Variants in ADAMTSL1 observed in about 807,000 individuals in gnomAD.
The protein encoded by ADAMTSL1 is ADAMTS like 1.
ADAMTSL1 carries 126 observed loss-of-function variants against 201.8 expected under a neutral mutation model. The observed-to-expected ratio is 0.62, with a 90% CI of 0.54 to 0.72. The LOEUF (loss-of-function observed/expected upper bound fraction) is 0.72. ADAMTSL1 is among the 30% of genes least tolerant of loss of function. The pLI is 0.00. For synonymous variants in ADAMTSL1, 1,121 were observed against 903.4 expected, an observed-to-expected ratio of 1.24 and a Z score of -4.32; for missense variants, 2,679 against 2,277.8, an observed-to-expected ratio of 1.18 and a Z score of -3.59.
At chr9:18,118,913 C>T (rs538644815) in intron 1 of ADAMTSL1, among the ~76,000 whole-genome samples, 2 of 152,170 alleles carry the variant, frequency 1.3e-5, no homozygotes, top group Non-Finnish European at 2.9e-5. Flanking sequence ...TTAACCAGTC[C>T]CTTGACTTTT....
intron 2 of ADAMTSL1, among the ~76,000 whole-genome samples, chr9:18,278,949 G>A (rs535463053): frequency 6.6e-6 from 1 of 151,934 alleles, no homozygotes; most frequent in South Asian, 2.1e-4. Flanking sequence ...CAAGTCTGCT[G>A]TTAAAGCTCT....
intron 3 of ADAMTSL1, among the ~76,000 whole-genome samples, chr9:18,533,573 A>G (rs1450633894): frequency 6.6e-6 from 1 of 152,176 alleles, no homozygotes; most frequent in Non-Finnish European, 1.5e-5. Context: ...TCTCATGAGG[A>G]TGAGTGAGAG....
intron 26 of ADAMTSL1, among the ~76,000 whole-genome samples, chr9:18,894,520 G>T (rs180680152): frequency 6.6e-6 from 1 of 151,994 alleles, no homozygotes; most frequent in Admixed American, 6.6e-5. Flanking sequence ...AGCGTGATTC[G>T]CATGGCTTCC....
chr9:17,978,556 T>C (rs1755273), intron 1 of ADAMTSL1, among the ~76,000 whole-genome samples: 127,884 of 151,940 alleles, frequency 0.84, 54,014 homozygotes, highest in East Asian at 0.94. Flanking sequence ...TGATTGCTTA[T>C]GAAAACACTA....
rs183201216 is a variant in ADAMTSL1, at chr9:18,059,728, T to C, written c.88-104134T>C. Among the ~76,000 whole-genome samples the C allele has an allele frequency of 3.9e-3, 588 of 152,310 alleles. 4 individuals are homozygous for C. The highest frequency in any genetic ancestry group is 6.6e-3 in the Non-Finnish European group (448 of 68,010). On this transcript the variant is annotated intron_variant, in intron 1 of 29. Transcript: ENST00000680146. ...TACCCGGGAATGTTTGTGTATCCCA[T>C]GTTTTTATTCTTTTTAAGCTATAAA...
At chr9:18,819,396 C>A (rs1442867421) in intron 21 of ADAMTSL1, among the ~76,000 whole-genome samples, 2 of 149,940 alleles carry the variant, frequency 1.3e-5, no homozygotes, top group African/African-American at 4.9e-5. Context: ...GCAGAGATTG[C>A]AGTGAGCCGA....
At chr9:18,880,048 A>C (rs1828431888) in intron 23 of ADAMTSL1, among the ~76,000 whole-genome samples, 1 of 152,196 alleles carries the variant, frequency 6.6e-6, no homozygotes, top group African/African-American at 2.4e-5. Flanking sequence ...CTCCTCATCC[A>C]TTCAAGTTTT....
chr9:18,636,448 G>A (rs915623569), intron 6 of ADAMTSL1, among the ~76,000 whole-genome samples: 12 of 151,700 alleles, frequency 7.9e-5, no homozygotes, highest in Non-Finnish European at 1.3e-4. Context: ...CAATCCAGAG[G>A]AACATAGAAA....
chr9:18,005,087 G>A (rs1041355214), intron 1 of ADAMTSL1, among the ~76,000 whole-genome samples: 37 of 152,060 alleles, frequency 2.4e-4, no homozygotes, highest in African/African-American at 8.4e-4. Context: ...GTGCTCTGAC[G>A]GTAGCTTACG....
chr9:17,916,580 C>G (rs1826102779), intron 1 of ADAMTSL1, among the ~76,000 whole-genome samples: 1 of 152,126 alleles, frequency 6.6e-6, no homozygotes, highest in African/African-American at 2.4e-5. Flanking sequence ...CATCCTTTCT[C>G]CACTGAATTG....
rs193017959 is a variant in ADAMTSL1, at chr9:18,814,377, C to A, written c.3806-2732C>A. On this transcript the variant is annotated intron_variant, in intron 20 of 28. Transcript: ENST00000380548. ...TTATTGTGTCCTTGTTGGTTACATC[C>A]AACTGAAAAGCTTCTGCACAGCAAA... Among the ~76,000 whole-genome samples the A allele has an allele frequency of 3.0e-3, 463 of 152,136 alleles. 3 individuals carry two copies. The highest frequency in any genetic ancestry group is 0.011 in the African/African-American group (437 of 41,504).
intron 1 of ADAMTSL1, among the ~76,000 whole-genome samples, chr9:18,018,561 C>G (rs1820352755): frequency 6.6e-6 from 1 of 152,048 alleles, no homozygotes; most frequent in South Asian, 2.1e-4. Context: ...TGATTGATCA[C>G]TATGGGAGAA....
chr9:18,580,981 T>TA (rs1168180908), intron 4 of ADAMTSL1, among the ~76,000 whole-genome samples: 6 of 152,042 alleles, frequency 3.9e-5, no homozygotes, highest in Non-Finnish European at 8.8e-5. Context: ...GCCTTCAGGT[T>TA]AAAAAAATCC....
chr9:18,580,799 G>T (rs1039482514), intron 4 of ADAMTSL1, among the ~76,000 whole-genome samples: 1 of 152,112 alleles, frequency 6.6e-6, no homozygotes, highest in African/African-American at 2.4e-5. Flanking sequence ...GGACAAGAAG[G>T]ATAGTCCCTG....
Position 18,321,454 on chromosome 9 carries a change from C to T in ADAMTSL1, c.207+157473C>T, listed in dbSNP as rs752204848. ...AAGATTTTATCAACACTGTCAATCA[C>T]CTTGACCTGATTAACATTTACAGAG... On this transcript the variant is annotated intron_variant, in intron 2 of 29. Coordinates refer to the ADAMTSL1 transcript ENST00000680146. Among the ~76,000 whole-genome samples the T allele has an allele frequency of 2.0e-5, 3 of 152,172 alleles. No individual in the cohort carries two copies. In the East Asian group the frequency reaches 5.8e-4, roughly 29 times the overall value.
At chr9:18,286,700 A>G (rs1054400635) in intron 2 of ADAMTSL1, among the ~76,000 whole-genome samples, 4 of 54,916 alleles carry the variant, frequency 7.3e-5, no homozygotes, top group African/African-American at 1.6e-4. Context: ...AGGATTATGC[A>G]TTATCAGGCC....
At chr9:18,825,591 A>G (rs1824496558) in intron 21 of ADAMTSL1, among the ~76,000 whole-genome samples, 1 of 152,162 alleles carries the variant, frequency 6.6e-6, no homozygotes, top group Non-Finnish European at 1.5e-5. Flanking sequence ...TTTTATTAAA[A>G]TATATCTATA....
At chr9:18,200,249 A>T (rs1426353809) in intron 2 of ADAMTSL1, among the ~76,000 whole-genome samples, 2 of 152,074 alleles carry the variant, frequency 1.3e-5, no homozygotes, top group African/African-American at 4.8e-5. Context: ...GCCTAGGCAA[A>T]ATAGCGAGAC....
chr9:18,508,153 C>A (rs1233211724), intron 2 of ADAMTSL1, among the ~76,000 whole-genome samples: 9 of 151,614 alleles, frequency 5.9e-5, no homozygotes, highest in Non-Finnish European at 8.8e-5. Context: ...TCACTGCACT[C>A]CAGCCTGGGC....
Sources: allele counts gnomAD v4.1 joint callset (sites outside exome capture counted in the v4.1 genomes callset), GRCh38; gene constraint gnomAD v4.1.1; transcripts MANE v1.5; gene names NCBI Gene and HGNC (gene_info 2026-07-23, HGNC 2026-07-21).